Variants in UNC5D observed in about 807,000 individuals in gnomAD.
The protein encoded by UNC5D is unc-5 netrin receptor D, also known as netrin receptor UNC5D.
Under a neutral mutation model 105.4 loss-of-function variants are expected in UNC5D, and 39 were observed. The observed-to-expected ratio is 0.37, with a 90% CI of 0.29 to 0.48. UNC5D has a LOEUF of 0.48. Ranked by LOEUF, UNC5D falls within the 20% of genes least tolerant of loss-of-function variation. UNC5D has a pLI of 0.98. For synonymous variants in UNC5D, 452 were observed against 450.4 expected, an observed-to-expected ratio of 1.00 and a Z score of -0.04; for missense variants, 991 against 1,202.4, an observed-to-expected ratio of 0.82 and a Z score of 2.60.
chr8:35,605,687 T>G (rs570427711), intron 4 of UNC5D, among the ~76,000 whole-genome samples: 1 of 152,362 alleles, frequency 6.6e-6, no homozygotes, highest in South Asian at 2.1e-4. Context: ...TGTGGTGGGC[T>G]CTACCCATAT....
At chr8:35,288,128 A>G (rs977843469) in intron 1 of UNC5D, among the ~76,000 whole-genome samples, 13 of 152,070 alleles carry the variant, frequency 8.5e-5, no homozygotes, top group Non-Finnish European at 1.8e-4. Context: ...ATCAAATTGA[A>G]CCCAAAGAGG....
At chr8:35,397,797 T>G (rs1438961044) in intron 1 of UNC5D, among the ~76,000 whole-genome samples, 2 of 152,208 alleles carry the variant, frequency 1.3e-5, no homozygotes, top group Non-Finnish European at 2.9e-5. Context: ...CTTCCTAATT[T>G]AATCCACACT....
chr8:35,672,284 C>T (rs886984929), intron 4 of UNC5D, among the ~76,000 whole-genome samples: 2 of 152,186 alleles, frequency 1.3e-5, no homozygotes, highest in Admixed American at 6.5e-5. Flanking sequence ...CACATCACCA[C>T]TTTAAAACAT....
At chr8:35,536,107 T>G (rs1246122210) in intron 1 of UNC5D, among the ~76,000 whole-genome samples, 1 of 152,222 alleles carries the variant, frequency 6.6e-6, no homozygotes, top group African/African-American at 2.4e-5. Flanking sequence ...ATTTTGTGCT[T>G]CAAATACAAC....
intron 4 of UNC5D, among the ~76,000 whole-genome samples, chr8:35,637,429 A>G (rs1228376789): frequency 2.8e-4 from 42 of 152,182 alleles, no homozygotes; most frequent in Admixed American, 2.7e-3. Flanking sequence ...TCTCCGAAGT[A>G]CTTGTGGTGT....
chr8:35,502,172 C>T (rs1479772109), intron 1 of UNC5D, among the ~76,000 whole-genome samples: 26 of 152,210 alleles, frequency 1.7e-4, no homozygotes, highest in Non-Finnish European at 1.5e-4. Context: ...CCCTCAATTT[C>T]TGCAGAGTCT....
chr8:35,352,769 C>T (rs1027479302), intron 1 of UNC5D, among the ~76,000 whole-genome samples: 3 of 151,960 alleles, frequency 2.0e-5, no homozygotes, highest in Admixed American at 6.6e-5. Flanking sequence ...CATGCCACCA[C>T]GCCTGGCTAA....
intron 4 of UNC5D, among the ~76,000 whole-genome samples, chr8:35,651,373 G>C (rs556054525): frequency 6.6e-6 from 1 of 152,268 alleles, no homozygotes; most frequent in East Asian, 1.9e-4. Flanking sequence ...GATGTAAGGA[G>C]TAAATGAATA....
chr8:35,775,421 G>A (rs1005870230), intron 16 of UNC5D, among the ~76,000 whole-genome samples: 3 of 152,098 alleles, frequency 2.0e-5, no homozygotes, highest in African/African-American at 7.2e-5. Flanking sequence ...ACAGGCAGGG[G>A]TGATGCTCTT....
Position 35,301,502 on chromosome 8 carries a change from C to T in UNC5D, c.103+65615C>T, listed in dbSNP as rs568130520. 4.6e-5 allele frequency among the ~76,000 whole-genome samples: 7 copies of T among 152,236 alleles called. No homozygotes were observed. In the South Asian group the frequency reaches 1.5e-3, roughly 32 times the overall value. ...GAGTAGCAAGCTATTACAAGCTGAA[C>T]GTGGAAGCAAGGTAGAGAAATCATC... On this transcript the variant is annotated intron_variant, in intron 1 of 16. Transcript: ENST00000404895.
intron 4 of UNC5D, among the ~76,000 whole-genome samples, chr8:35,668,949 A>T (rs1455454538): frequency 6.6e-6 from 1 of 151,958 alleles, no homozygotes; most frequent in Non-Finnish European, 1.5e-5. Context: ...TGATCAGCAT[A>T]CTTCTGCATC....
At chr8:35,443,978 T>C (rs1807607183) in intron 1 of UNC5D, among the ~76,000 whole-genome samples, 1 of 152,066 alleles carries the variant, frequency 6.6e-6, no homozygotes, top group African/African-American at 2.4e-5. Context: ...TAAGTGTTTT[T>C]TCTCACTCAT....
At chr8:35,579,769 T>C (rs1211552434) in intron 3 of UNC5D, among the ~76,000 whole-genome samples, 4 of 152,166 alleles carry the variant, frequency 2.6e-5, no homozygotes, top group Non-Finnish European at 5.9e-5. Context: ...AGTGTTTAGA[T>C]TTGTCCAGAA....
At chr8:35,262,960 T>C (rs1175828784) in intron 1 of UNC5D, among the ~76,000 whole-genome samples, 1 of 152,192 alleles carries the variant, frequency 6.6e-6, no homozygotes, top group Non-Finnish European at 1.5e-5. Context: ...CAGTAGTTCC[T>C]TATTGCCATT....
chr8:35,380,222 G>T (rs201675770), intron 1 of UNC5D, among the ~76,000 whole-genome samples: 2 of 132,238 alleles, frequency 1.5e-5, no homozygotes, highest in African/African-American at 5.8e-5. Flanking sequence ...AGAGAGAGAG[G>T]GAGAGAGAGA....
intron 4 of UNC5D, among the ~76,000 whole-genome samples, chr8:35,615,641 TA>T (rs889689362): frequency 6.8e-4 from 104 of 152,322 alleles, no homozygotes; most frequent in African/African-American, 2.4e-3. Flanking sequence ...TTTTCCCTCC[TA>T]AAGGCTTTTA....
intron 1 of UNC5D, among the ~76,000 whole-genome samples, chr8:35,246,818 TACA>T (rs1272746882): frequency 2.0e-5 from 3 of 152,162 alleles, no homozygotes; most frequent in Non-Finnish European, 2.9e-5. Flanking sequence ...GCTGTGGGCA[TACA>T]ACACTTTTTC....
At chr8:35,585,334 A>G (rs1017938978) in intron 3 of UNC5D, among the ~76,000 whole-genome samples, 2 of 152,174 alleles carry the variant, frequency 1.3e-5, no homozygotes, top group African/African-American at 4.8e-5. Context: ...TGTCCCAGTA[A>G]GCAGAGAATG....
intron 1 of UNC5D, among the ~76,000 whole-genome samples, chr8:35,479,084 T>G (rs754531849): frequency 6.6e-6 from 1 of 152,196 alleles, no homozygotes; most frequent in African/African-American, 2.4e-5. Context: ...ATTTTTCTTT[T>G]CTAACTGTTA....
Sources: allele counts gnomAD v4.1 joint callset (sites outside exome capture counted in the v4.1 genomes callset), GRCh38; gene constraint gnomAD v4.1.1; transcripts MANE v1.5; gene names NCBI Gene and HGNC (gene_info 2026-07-23, HGNC 2026-07-21).